FANK1: variants seen among roughly 807,000 people sequenced by gnomAD.
FANK1 encodes fibronectin type 3 and ankyrin repeat domains protein 1.
A neutral mutation model predicts 45.3 loss-of-function variants in FANK1; 44 were observed. The observed-to-expected ratio is 0.97, with a 90% confidence interval of 0.76 to 1.25. The LOEUF (loss-of-function observed/expected upper bound fraction) is 1.25, where lower values mean the gene tolerates loss of function less well. Ranked by LOEUF, FANK1 falls within the 50% of genes most tolerant of loss-of-function variation. The pLI, the probability that FANK1 is intolerant of heterozygous loss-of-function variation, is 0.00. For missense variants in FANK1, 391 were observed against 424.4 expected (o/e 0.92, Z 0.69); for synonymous variants, 149 against 152.5 (o/e 0.98, Z 0.17).
At chr10:125,952,691 T>G (rs1949320585) in intron 1 of FANK1, among the ~76,000 whole-genome samples, 1 of 151,886 alleles carries the variant, frequency 6.6e-6, no homozygotes. Flanking sequence ...TGTATACCTC[T>G]GCTTGCCTCT....
intron 7 of FANK1, among the ~76,000 whole-genome samples, 159 bp downstream of exon 7, chr10:126,005,208 C>T (rs968346881): frequency 3.3e-5 from 5 of 152,014 alleles, no homozygotes; most frequent in African/African-American, 1.2e-4. Flanking sequence ...TTAGAATGGA[C>T]ATGAGAGTGA....
intron 1 of FANK1, chr10:125,973,327 T>G (rs999394236): frequency 5.7e-6 from 3 of 526,140 alleles, no homozygotes; most frequent in African/African-American, 4.1e-5. Context: ...CTGGTTATTT[T>G]GGGGGTAATC....
chr10:125,901,529 C>T (rs549138258), intron 1 of FANK1, among the ~76,000 whole-genome samples: 77 of 152,324 alleles, frequency 5.1e-4, no homozygotes, highest in African/African-American at 1.8e-3. Flanking sequence ...CCTCTTCAAA[C>T]TCATCACACA....
At chr10:125,919,184 A>G (rs1456788712) in intron 1 of FANK1, among the ~76,000 whole-genome samples, 2 of 108,014 alleles carry the variant, frequency 1.9e-5, no homozygotes, top group African/African-American at 3.2e-5. Flanking sequence ...AAATACTTCC[A>G]GGAGGTAAGA....
At chr10:125,979,767 T>G (rs1054541079) in intron 1 of FANK1, 15 of 457,690 alleles carry the variant, frequency 3.3e-5, no homozygotes, top group African/African-American at 1.2e-4. Flanking sequence ...CTTTGTCATC[T>G]ATGTTCCACA....
intron 1 of FANK1, among the ~76,000 whole-genome samples, chr10:125,901,834 A>T (rs1347388803): frequency 6.6e-6 from 1 of 152,222 alleles, no homozygotes; most frequent in Non-Finnish European, 1.5e-5. Context: ...TAATATTTAA[A>T]ATCTAGCTGG....
chr10:125,986,555 T>C (rs911014686), intron 2 of FANK1, among the ~76,000 whole-genome samples: 4 of 151,826 alleles, frequency 2.6e-5, no homozygotes, highest in Non-Finnish European at 4.4e-5. Flanking sequence ...TTCTGCGCCC[T>C]GACTCACCGC....
At chr10:125,901,772 A>T (rs1589759161) in intron 1 of FANK1, among the ~76,000 whole-genome samples, 1 of 152,264 alleles carries the variant, frequency 6.6e-6, no homozygotes, top group East Asian at 1.9e-4. Flanking sequence ...ATGTTATTCT[A>T]TCTCTGCGCT....
At chr10:125,927,707 C>G (rs775734102) in intron 1 of FANK1, among the ~76,000 whole-genome samples, 1 of 152,232 alleles carries the variant, frequency 6.6e-6, no homozygotes, top group Non-Finnish European at 1.5e-5. Flanking sequence ...CCCACCACCA[C>G]GCTTGGCTAA....
intron 1 of FANK1, among the ~76,000 whole-genome samples, chr10:125,954,159 G>C (rs1227502068): frequency 1.1e-5 from 1 of 87,054 alleles, no homozygotes; most frequent in Non-Finnish European, 2.9e-5. Flanking sequence ...TACAATGGGG[G>C]AAGGGGCAGT....
chr10:125,902,295 C>T (rs1447251552), intron 1 of FANK1, among the ~76,000 whole-genome samples: 2 of 152,198 alleles, frequency 1.3e-5, no homozygotes, highest in African/African-American at 4.8e-5. Flanking sequence ...TTTCTTCACT[C>T]GACTGTAGGG....
intron 1 of FANK1, among the ~76,000 whole-genome samples, chr10:125,953,397 T>G (rs1266694271): frequency 2.0e-5 from 3 of 152,170 alleles, no homozygotes; most frequent in Admixed American, 2.0e-4. Flanking sequence ...CTAAATAGAA[T>G]GGAGTCACCT....
intron 8 of FANK1, 88 bp downstream of exon 8, chr10:126,008,638 G>GTCAAA: frequency 6.8e-7 from 1 of 1,461,084 alleles, no homozygotes; most frequent in East Asian, 2.3e-5. Flanking sequence ...TGTGAGTTCA[G>GTCAAA]CCCTGCACCA....
Position 126,008,369 on chromosome 10 carries a change from A to G in FANK1, c.706-38A>G, listed in dbSNP as rs772439282. 7.2e-6 allele frequency: 11 copies of G among 1,537,226 alleles called. No homozygotes were observed. The South Asian group carries it at 8.7e-5, about 12-fold the overall frequency. ...AAGTTTGAATCATTTTAAGAAAAAG[A>G]AATTGGGCTCAACACAGCTGTTTCT... On this transcript the variant is annotated intron_variant, in intron 7 of 10. Coordinates refer to ENST00000368693, the MANE Select transcript of FANK1 (RefSeq NM_145235.5).
intron 1 of FANK1, among the ~76,000 whole-genome samples, chr10:125,952,842 C>G (rs1040567550): frequency 1.4e-5 from 2 of 143,726 alleles, no homozygotes; most frequent in Non-Finnish European, 3.0e-5. Context: ...CACACACACA[C>G]ACACACACAC....
At chr10:125,977,669 C>T (rs1950940459) in intron 1 of FANK1, among the ~76,000 whole-genome samples, 1 of 152,112 alleles carries the variant, frequency 6.6e-6, no homozygotes, top group African/African-American at 2.4e-5. Context: ...TGCTCCACCT[C>T]AGAGAGATGT....
chr10:126,008,527 A>G lies in FANK1; in HGVS notation c.826A>G (p.Arg276Gly), dbSNP rs779077139. ...DAGANVNVKD[R>G]NGKTPLMVAV... ...TGGGGCCAATGTGAATGTGAAGGAC[A>G]GAAATGGAAAGACGCCCCTTATGGT... Residue 276 changes from arginine to glycine, a missense_variant, in exon 8 of 11, where the codon AGA becomes GGA. Physicochemically the swap from Arg to Gly is moderately radical, Grantham distance 125. Transcript: ENST00000368693. 3 of 1,611,554 alleles carry G rather than the reference A, an allele frequency of 1.9e-6. No individual in the cohort carries two copies. The highest frequency in any genetic ancestry group is 2.7e-5 in the African/African-American group (2 of 74,730).
chr10:125,977,966 G>A (rs1176899660), intron 1 of FANK1, among the ~76,000 whole-genome samples: 1 of 152,200 alleles, frequency 6.6e-6, no homozygotes, highest in Non-Finnish European at 1.5e-5. Flanking sequence ...TCTGTTCGGG[G>A]AGTTGCTGAG....
chr10:125,898,049 C>T (rs1265424999), intron 1 of FANK1, among the ~76,000 whole-genome samples: 2 of 122,658 alleles, frequency 1.6e-5, no homozygotes, highest in East Asian at 2.5e-4. Context: ...GGTGTGGTGG[C>T]GCGTGCCTGG....
Sources: gnomAD v4.1 joint callset for allele counts (sites outside exome capture counted in the v4.1 genomes callset) on GRCh38, gnomAD v4.1.1 for gene constraint, MANE v1.5 for transcripts, NCBI Gene and HGNC (gene_info 2026-07-23, HGNC 2026-07-21) for gene names.